Variants in GNPAT observed in about 807,000 individuals in gnomAD.
The protein encoded by GNPAT is glyceronephosphate O-acyltransferase.
In GNPAT, 30 loss-of-function variants were observed where a neutral mutation model predicts 78.4. The observed-to-expected ratio is 0.38, with a 90% CI of 0.29 to 0.52. GNPAT has a LOEUF of 0.52. GNPAT is among the 20% of genes least tolerant of loss of function. The pLI is 0.84. For missense variants in GNPAT, 714 were observed against 812.2 expected, an observed-to-expected ratio of 0.88 and a Z score of 1.47; for synonymous variants, 271 against 281.1, an observed-to-expected ratio of 0.96 and a Z score of 0.36.
intron 3 of GNPAT, 119 bp from the exon 4 acceptor site, chr1:231,262,604 C>T (rs1685251536): frequency 3.7e-6 from 3 of 811,376 alleles, no homozygotes; most frequent in Non-Finnish European, 6.3e-6. Context: ...GGCAAAAAGG[C>T]AGAAAAAGAG....
chr1:231,276,318 A>G, intron 15 of GNPAT, 122 bp downstream of exon 15: 1 of 663,232 alleles, frequency 1.5e-6, no homozygotes, highest in South Asian at 1.7e-5. Context: ...TCTAACATAA[A>G]AGGGAATTAC....
chr1:231,277,128 A>T (rs1464370751), intron 15 of GNPAT, among the ~76,000 whole-genome samples: 1 of 152,252 alleles, frequency 6.6e-6, no homozygotes, highest in African/African-American at 2.4e-5. Context: ...TCTTCTATTT[A>T]TATCGTGTCT....
At chr1:231,265,822 C>G (rs1230677845) in intron 6 of GNPAT, 35 bp downstream of exon 6, 1 of 1,299,958 alleles carries the variant, frequency 7.7e-7, no homozygotes, top group Admixed American at 1.7e-5. Flanking sequence ...AAAATACAAA[C>G]CCAAAGACAT....
chr1:231,260,727 C>A, intron 3 of GNPAT, 44 bp downstream of exon 3: 25 of 1,222,310 alleles, frequency 2.0e-5, no homozygotes, highest in Non-Finnish European at 2.6e-5. Flanking sequence ...AAAGTCTCAT[C>A]TTAAAATTAA....
chr1:231,267,166 G>T (rs1685411581), intron 8 of GNPAT, among the ~76,000 whole-genome samples: 1 of 152,192 alleles, frequency 6.6e-6, no homozygotes, highest in Non-Finnish European at 1.5e-5. Flanking sequence ...GCAATTTTTA[G>T]GTCATGTGTG....
chr1:231,261,665 C>T (rs1685228559), intron 3 of GNPAT, among the ~76,000 whole-genome samples: 1 of 152,054 alleles, frequency 6.6e-6, no homozygotes, highest in Admixed American at 6.5e-5. Flanking sequence ...TACTTTACCC[C>T]ACTCGTTTTT....
At chr1:231,258,243 C>G (rs909825896) in intron 2 of GNPAT, 2 of 152,262 alleles carry the variant, frequency 1.3e-5, no homozygotes, top group Non-Finnish European at 2.9e-5. Flanking sequence ...AAAAAAGCAG[C>G]CTGGAATCTG....
Position 231,241,233 on chromosome 1 carries a change from C to G in GNPAT, c.-146C>G, listed in dbSNP as rs954292961. On this transcript the variant is annotated 5_prime_UTR_variant, in exon 1 of 16. Coordinates refer to ENST00000366647, the MANE Select transcript of GNPAT (RefSeq NM_014236.4). ...GCTTCCGTCCTGGCTGAGATGGCGG[C>G]GCCCGGGATCCTGTGTAGCGGCTGC... 28 of 1,480,530 alleles carry G rather than the reference C, an allele frequency of 1.9e-5. No individual in the cohort carries two copies. Among genetic ancestry groups the G allele is most frequent in the Non-Finnish European group, 2.6e-5 (28 of 1,062,652 alleles). The allele number at this position is 1,480,530 out of a possible 1,614,324, so 91.7% of individuals were successfully genotyped here. A position where few individuals can be genotyped will look rare whatever the true frequency, so the allele number is the denominator to read the frequency against.
chr1:231,255,646 G>C (rs974573810), intron 2 of GNPAT, among the ~76,000 whole-genome samples: 1 of 151,978 alleles, frequency 6.6e-6, no homozygotes, highest in African/African-American at 2.4e-5. Flanking sequence ...TGTTGCCCAG[G>C]CTGAGCTTGA....
chr1:231,246,758 G>C (rs1320908926), intron 1 of GNPAT, among the ~76,000 whole-genome samples: 1 of 152,222 alleles, frequency 6.6e-6, no homozygotes, highest in Non-Finnish European at 1.5e-5. Context: ...AAAGAATTTG[G>C]ACAGCTGAGC....
intron 2 of GNPAT, among the ~76,000 whole-genome samples, chr1:231,260,070 C>G (rs1685180913): frequency 6.6e-6 from 1 of 152,174 alleles, no homozygotes; most frequent in Non-Finnish European, 1.5e-5. Flanking sequence ...CTTGATAGAT[C>G]TGATGTAGTC....
At position 231,265,755 on chromosome 1, in the gene GNPAT, G is replaced by C; in HGVS notation, c.740G>C (p.Ser247Thr). 2 of 1,606,740 alleles carry C rather than the reference G, an allele frequency of 1.2e-6. No individual in the cohort carries two copies. The highest frequency in any genetic ancestry group is 1.7e-6 in the Non-Finnish European group (2 of 1,173,246). The part of the protein sequence containing the change: ...PVEFFLEGTR[S>T]RSAKTLTPKF... ...GAATTTTTCCTCGAAGGGACAAGAAGCCGCTCTGCCAAGACATTGACTCCT... is the reference window on the plus strand; with the variant it reads ...GAATTTTTCCTCGAAGGGACAAGAACCCGCTCTGCCAAGACATTGACTCCT... The change falls in exon 6 of 16, where the codon AGC (serine) becomes ACC (threonine). Residue 247 changes from serine to threonine, a missense_variant. By Grantham distance (58) the Ser-to-Thr change is moderately conservative. Transcript: ENST00000366647.
chr1:231,275,475 C>T lies in GNPAT; in HGVS notation c.1914C>T (p.Leu638=), dbSNP rs781573361. 17 of 1,601,556 alleles carry T rather than the reference C, an allele frequency of 1.1e-5. No individual in the cohort carries two copies. Among genetic ancestry groups the T allele is most frequent in the Middle Eastern group, 1.6e-4 (1 of 6,068 alleles). ...QKNALAACVR[L]GVVEKKKINN... Reference sequence around the variant, plus strand: ...ACGCCTTAGCAGCCTGTGTGAGGCTCGGAGTAGTGGAGAAGAAGAAGATGT... The same window carrying T: ...ACGCCTTAGCAGCCTGTGTGAGGCTTGGAGTAGTGGAGAAGAAGAAGATGT... Residue 638 remains leucine, a synonymous_variant, in exon 14 of 16, where the codon CTC becomes CTT. Coordinates refer to ENST00000366647, the MANE Select transcript of GNPAT (RefSeq NM_014236.4).
chr1:231,273,202 G>A (rs1685614416), intron 11 of GNPAT, among the ~76,000 whole-genome samples: 1 of 151,752 alleles, frequency 6.6e-6, no homozygotes, highest in African/African-American at 2.4e-5. Flanking sequence ...GTGCTTTAAG[G>A]ATAAGAGGTT....
chr1:231,277,183 T>C (rs1685742002), intron 15 of GNPAT, among the ~76,000 whole-genome samples: 1 of 152,240 alleles, frequency 6.6e-6, no homozygotes, highest in Non-Finnish European at 1.5e-5. Context: ...CCTCGCCCTG[T>C]GAGGGTGACG....
At chr1:231,243,961 T>G (rs978067996) in intron 1 of GNPAT, among the ~76,000 whole-genome samples, 5 of 151,362 alleles carry the variant, frequency 3.3e-5, no homozygotes, top group African/African-American at 1.2e-4. Context: ...CAGGCTGGAG[T>G]GTAATGGCAC....
At chr1:231,272,838 G>A (rs541029994) in intron 11 of GNPAT, among the ~76,000 whole-genome samples, 5 of 152,220 alleles carry the variant, frequency 3.3e-5, no homozygotes, top group South Asian at 2.1e-4. Context: ...GCGTGGTGGC[G>A]CATGCCTGTA....
At chr1:231,273,772 A>G (rs1198781588) in intron 11 of GNPAT, 150 bp from the exon 12 acceptor site, 1 of 681,358 alleles carries the variant, frequency 1.5e-6, no homozygotes, top group Non-Finnish European at 2.6e-6. Flanking sequence ...GGTTGGGGAA[A>G]TAGCTGGTAT....
chr1:231,251,093 A>G lies in GNPAT; in HGVS notation c.211A>G (p.Ile71Val). 2 of 1,598,794 alleles carry G rather than the reference A, an allele frequency of 1.3e-6. No homozygotes were observed. The highest frequency in any genetic ancestry group is 1.7e-6 in the Non-Finnish European group (2 of 1,166,258). The part of the protein sequence containing the change: ...KGITPCKPID[I>V]KCSVLNSEEI... Reference sequence around the variant, plus strand: ...AATTACTCCATGTAAACCAATTGATATTAAATGTAGTGTTCTCAATTCTGA... The same window carrying G: ...AATTACTCCATGTAAACCAATTGATGTTAAATGTAGTGTTCTCAATTCTGA... The change falls in exon 2 of 16, where the codon ATT becomes GTT. Residue 71 changes from isoleucine to valine, a missense_variant. Physicochemically the swap from Ile to Val is conservative, Grantham distance 29 (BLOSUM62 3). Transcript: ENST00000366647.
Sources: allele counts gnomAD v4.1 joint callset (sites outside exome capture counted in the v4.1 genomes callset), GRCh38; gene constraint gnomAD v4.1.1; transcripts MANE v1.5; gene names NCBI Gene and HGNC (gene_info 2026-07-23, HGNC 2026-07-21).